Variants in ASB5 observed in about 807,000 individuals in gnomAD.
The protein encoded by ASB5 is ankyrin repeat and SOCS box protein 5.
ASB5 carries 45 observed loss-of-function variants against 42.1 expected under a neutral mutation model. The observed-to-expected ratio is 1.07, with a 90% CI of 0.84 to 1.37. The LOEUF (loss-of-function observed/expected upper bound fraction) is 1.37, where lower values mean the gene tolerates loss of function less well. Ranked by LOEUF, ASB5 falls within the 40% of genes most tolerant of loss-of-function variation. The probability of loss-of-function intolerance (pLI) is 0.00; values close to 1 mark genes in which losing one functional copy is unlikely to be tolerated. For missense variants in ASB5, 402 were observed against 399.8 expected (o/e 1.01, Z -0.05); for synonymous variants, 147 against 150.6 (o/e 0.98, Z 0.18).
chr4:176,219,419 ATGTATGATATATAAATATATATATT>A (rs1406621764), intron 5 of ASB5, among the ~76,000 whole-genome samples: 2 of 43,512 alleles, frequency 4.6e-5, no homozygotes, highest in Non-Finnish European at 9.7e-5. Flanking sequence ...AAATATATAT[ATGTATGATATATAAATATATATATT>A]TGTATGATAT....
At chr4:176,230,960 A>G (rs1282615441) in intron 1 of ASB5, among the ~76,000 whole-genome samples, 1 of 152,226 alleles carries the variant, frequency 6.6e-6, no homozygotes, top group Non-Finnish European at 1.5e-5. Flanking sequence ...AACTTTCACC[A>G]TGCTAATCAA....
At chr4:176,264,039 G>C (rs1213466485) in intron 1 of ASB5, among the ~76,000 whole-genome samples, 1 of 105,534 alleles carries the variant, frequency 9.5e-6, no homozygotes, top group Non-Finnish European at 2.0e-5. Flanking sequence ...CCACAGACTT[G>C]ACAAAAAAAA....
intron 1 of ASB5, among the ~76,000 whole-genome samples, chr4:176,235,279 A>G (rs1753656761): frequency 6.6e-6 from 1 of 152,226 alleles, no homozygotes. Flanking sequence ...ATTGATTATA[A>G]AAGTTGTACA....
chr4:176,217,456 G>A, intron 5 of ASB5, among the ~76,000 whole-genome samples: 1 of 151,784 alleles, frequency 6.6e-6, no homozygotes, highest in East Asian at 1.9e-4. Context: ...TTTATTTAAG[G>A]CAATGAAGCT....
chr4:176,267,638 T>C (rs545724447), intron 1 of ASB5, among the ~76,000 whole-genome samples: 5 of 152,276 alleles, frequency 3.3e-5, no homozygotes, highest in African/African-American at 1.2e-4. Flanking sequence ...GTATAAAATA[T>C]AGTTCTCTCT....
chr4:176,254,943 A>G lies in ASB5; in HGVS notation c.196+13970T>C, dbSNP rs180777668. Among the ~76,000 whole-genome samples, 692 of 152,292 alleles carry G rather than the reference A, an allele frequency of 4.5e-3. 2 individuals are homozygous for G. The highest frequency in any genetic ancestry group is 0.015 in the African/African-American group (625 of 41,564). Reference sequence around the variant, plus strand: ...TCAGGCGTTTGAGACCAGCCTGACCAACATGGTGAAACCCCATCTCTACCA... The same window carrying G: ...TCAGGCGTTTGAGACCAGCCTGACCGACATGGTGAAACCCCATCTCTACCA... On this transcript the variant is annotated intron_variant, in intron 1 of 6. Transcript: ENST00000296525.
intron 1 of ASB5, among the ~76,000 whole-genome samples, chr4:176,235,105 A>C: frequency 6.6e-6 from 1 of 152,228 alleles, no homozygotes; most frequent in East Asian, 1.9e-4. Context: ...CTGTTATTCC[A>C]TAATGAGTCC....
At chr4:176,251,252 G>A (rs1425178842) in intron 1 of ASB5, among the ~76,000 whole-genome samples, 1 of 145,924 alleles carries the variant, frequency 6.9e-6, no homozygotes, top group African/African-American at 2.5e-5. Context: ...AAACGTATTT[G>A]CAGAAGTGTA....
At chr4:176,268,875 A>G in intron 1 of ASB5, 38 bp downstream of exon 1, 1 of 1,460,662 alleles carries the variant, frequency 6.8e-7, no homozygotes. Context: ...TGAAAGTTAA[A>G]CTCCACTTGA....
chr4:176,215,720 T>A lies in ASB5; in HGVS notation c.870A>T (p.Pro290=). 6.2e-7 allele frequency: 1 copy of A among 1,610,736 alleles called. No individual in the cohort carries two copies. The highest frequency in any genetic ancestry group is 8.5e-7 in the Non-Finnish European group (1 of 1,178,640). ...GTCGGCAAAGTTGGTAAAGAGAGCTTGGGGTAGCTACAAGAAGACATGAAT... is the reference window on the plus strand; with the variant it reads ...GTCGGCAAAGTTGGTAAAGAGAGCTAGGGGTAGCTACAAGAAGACATGAAT... ...ERILLQHEAT[P]SSLYQLCRLC... Residue 290 remains proline (P), a synonymous_variant, in exon 7 of 7, where the codon CCA becomes CCT. Transcript: ENST00000296525.
In ASB5 at chr4:176,231,543, C is replaced by T. The variant is rs530540900; in HGVS notation, c.197-6202G>A. Among the ~76,000 whole-genome samples, 36 of 148,272 alleles carry T rather than the reference C, an allele frequency of 2.4e-4. No homozygotes were observed. In the South Asian group the frequency reaches 5.8e-3, roughly 24 times the overall value. ...TTATTGTTATAAATGTCTTTGTGGC[C>T]GGGGGTGGGTGGCTTATGCCTGTAA... On this transcript the variant is annotated intron_variant, in intron 1 of 6. Coordinates refer to ENST00000296525, the MANE Select transcript of ASB5 (RefSeq NM_080874.4).
intron 1 of ASB5, among the ~76,000 whole-genome samples, chr4:176,228,079 G>C (rs1034936266): frequency 6.6e-6 from 1 of 152,198 alleles, no homozygotes; most frequent in Non-Finnish European, 1.5e-5. Context: ...ACAAATTAGG[G>C]AGGCAAAGGC....
At chr4:176,222,491 C>G in intron 2 of ASB5, 71 bp from the exon 3 acceptor site, 1 of 1,294,110 alleles carries the variant, frequency 7.7e-7, no homozygotes, top group South Asian at 1.3e-5. Flanking sequence ...ATGGATGTCA[C>G]TAGAGAGTGA....
chr4:176,269,061 A>T lies in ASB5; in HGVS notation c.48T>A (p.Asn16Lys). Residue 16 changes from asparagine (N) to lysine (K), a missense_variant, in exon 1 of 7, where the codon AAT becomes AAA. Physicochemically the swap from Asn to Lys is moderately conservative, Grantham distance 94. Transcript: ENST00000296525. ...ACAGCGAAAGTATTGTAAAGTAGACATTGGATAATTGTTGAGCAAACGGCC... is the reference window on the plus strand; with the variant it reads ...ACAGCGAAAGTATTGTAAAGTAGACTTTGGATAATTGTTGAGCAAACGGCC... ...ENRPFAQQLSNVYFTILSLFC... is the reference protein window; with the variant it reads ...ENRPFAQQLSKVYFTILSLFC... The T allele has an allele frequency of 6.2e-7, 1 of 1,612,330 alleles. No individual in the cohort carries two copies. Among genetic ancestry groups the T allele is most frequent in the South Asian group, 1.1e-5 (1 of 90,738 alleles).
upstream of ASB5, among the ~76,000 whole-genome samples, chr4:176,269,838 G>T (rs1030244498): frequency 1.3e-5 from 2 of 152,140 alleles, no homozygotes; most frequent in African/African-American, 4.8e-5. Context: ...AAATGGAAAA[G>T]AAATCAGGTA....
At chr4:176,273,389 T>C (rs1754510226), upstream of ASB5, among the ~76,000 whole-genome samples, 1 of 152,146 alleles carries the variant, frequency 6.6e-6, no homozygotes, top group African/African-American at 2.4e-5. Flanking sequence ...CACGGTAATA[T>C]ATTCACTATT....
intron 1 of ASB5, chr4:176,249,340 C>T (rs1022172550): frequency 2.6e-5 from 4 of 152,044 alleles, no homozygotes; most frequent in African/African-American, 4.8e-5. Context: ...CCAGTTGCGG[C>T]GTATTTTATG....
intron 1 of ASB5, among the ~76,000 whole-genome samples, chr4:176,267,110 T>C (rs970081580): frequency 3.2e-4 from 48 of 152,358 alleles, no homozygotes; most frequent in Middle Eastern, 6.8e-3. Context: ...ATTCTCATAA[T>C]ACATAGACAA....
intron 3 of ASB5, 55 bp from the exon 4 acceptor site, chr4:176,221,655 C>A (rs113209719): frequency 6.9e-7 from 1 of 1,446,786 alleles, no homozygotes; most frequent in Non-Finnish European, 9.4e-7. Flanking sequence ...CATGAGTAAC[C>A]GACTTAGGCA....
Sources: gnomAD v4.1 joint callset for allele counts (sites outside exome capture counted in the v4.1 genomes callset) on GRCh38, gnomAD v4.1.1 for gene constraint, MANE v1.5 for transcripts, NCBI Gene and HGNC (gene_info 2026-07-23, HGNC 2026-07-21) for gene names.